TMCC1: variants seen among roughly 807,000 people sequenced by gnomAD.
TMCC1 encodes the protein transmembrane and coiled-coil domains protein 1.
Under a neutral mutation model 52.4 loss-of-function variants are expected in TMCC1, and 15 were observed. The observed-to-expected ratio is 0.29, with a 90% CI of 0.19 to 0.44. The LOEUF is 0.44. Ranked by LOEUF, TMCC1 falls within the 20% of genes least tolerant of loss-of-function variation. The pLI, the probability that TMCC1 is intolerant of heterozygous loss-of-function variation, is 1.00. For missense variants in TMCC1, 503 were observed against 806.0 expected (o/e 0.62, Z 4.55); for synonymous variants, 279 against 301.9 (o/e 0.92, Z 0.79).
chr3:129,708,600 T>G (rs1192904027), intron 4 of TMCC1, among the ~76,000 whole-genome samples: 1 of 152,264 alleles, frequency 6.6e-6, no homozygotes, highest in East Asian at 1.9e-4. Flanking sequence ...TAATTATTCT[T>G]TTCAGCTGTT....
rs2058758552 is a variant in TMCC1, at chr3:129,828,541, A to C, written c.-130-33T>G. ...TAAAAACAAAAAAACAAAAAAACAA[A>C]AAAAAAACCTTATATTATAAATCCA... is the stretch of plus-strand genomic sequence containing the variant. On this transcript the variant is annotated intron_variant, in intron 3 of 6. Coordinates refer to ENST00000393238, the MANE Select transcript of TMCC1 (RefSeq NM_001017395.5). This position sits in a 1 kb window ranked among gnomAD's most constrained non-coding sequence, Gnocchi z 4.1. 4.8e-6 allele frequency: 3 copies of C among 626,500 alleles called. No individual in the cohort carries two copies. The highest frequency in any genetic ancestry group is 8.0e-6 in the Non-Finnish European group (3 of 376,730). The allele number at this position is 626,500 out of a possible 1,614,324, so 38.8% of individuals were successfully genotyped here. A position where few individuals can be genotyped will look rare whatever the true frequency, so the allele number is the denominator to read the frequency against.
At chr3:129,782,008 G>C (rs2055573373) in intron 4 of TMCC1, among the ~76,000 whole-genome samples, 1 of 152,104 alleles carries the variant, frequency 6.6e-6, no homozygotes, top group African/African-American at 2.4e-5. Context: ...AAGGATCAAG[G>C]TGCCATTAAC....
At chr3:129,836,444 T>C (rs1455170243) in intron 2 of TMCC1, among the ~76,000 whole-genome samples, 1 of 152,226 alleles carries the variant, frequency 6.6e-6, no homozygotes, top group East Asian at 1.9e-4. Flanking sequence ...AAATTGACCA[T>C]ATGTTGAACC....
chr3:129,840,326 C>CAAAAAAAAAAAAA (rs368685429), intron 2 of TMCC1, among the ~76,000 whole-genome samples: 2 of 88,276 alleles, frequency 2.3e-5, no homozygotes, highest in African/African-American at 5.0e-5. Flanking sequence ...GAACCTGTCT[C>CAAAAAAAAAAAAA]AAAAAAAAAA....
chr3:129,799,960 G>C (rs2057083934), intron 4 of TMCC1, among the ~76,000 whole-genome samples: 1 of 152,052 alleles, frequency 6.6e-6, no homozygotes, highest in South Asian at 2.1e-4. Context: ...AACATATAAA[G>C]ATATAAAACA....
intron 4 of TMCC1, among the ~76,000 whole-genome samples, chr3:129,822,284 T>G (rs2107819971): frequency 6.6e-6 from 1 of 152,158 alleles, no homozygotes; most frequent in East Asian, 1.9e-4. Context: ...TTAAAAGTAA[T>G]AACATAAGAA....
chr3:129,843,276 G>A (rs1419028254), intron 2 of TMCC1, among the ~76,000 whole-genome samples: 1 of 152,108 alleles, frequency 6.6e-6, no homozygotes, highest in African/African-American at 2.4e-5. Context: ...GAACCTGGGA[G>A]GCGGAGCTTG....
chr3:129,844,124 T>A (rs1028342778), intron 2 of TMCC1, among the ~76,000 whole-genome samples: 16 of 152,124 alleles, frequency 1.1e-4, no homozygotes, highest in Non-Finnish European at 2.4e-4. Flanking sequence ...AAGAAAACCA[T>A]GTGATCATAA....
chr3:129,715,933 CT>C (rs2107580295), intron 4 of TMCC1, among the ~76,000 whole-genome samples: 1 of 152,002 alleles, frequency 6.6e-6, no homozygotes, highest in South Asian at 2.1e-4. Flanking sequence ...TATTTTTTCT[CT>C]CTTCTCATTC....
chr3:129,695,984 AC>A (rs1457481935), intron 4 of TMCC1, among the ~76,000 whole-genome samples: 1 of 152,190 alleles, frequency 6.6e-6, no homozygotes, highest in African/African-American at 2.4e-5. Flanking sequence ...AAAATATTTT[AC>A]CCCAAAACAT....
chr3:129,671,017 G>A lies in TMCC1; in HGVS notation c.824C>T (p.Ala275Val), dbSNP rs1319582962. The change falls in exon 5 of 7, where the codon GCC becomes GTC. Residue 275 changes from alanine to valine, a missense_variant. By Grantham distance (64) the Ala-to-Val change is moderately conservative. This residue lies in a region of TMCC1 where 73 missense variants were observed against 182.9 expected (regional missense o/e 0.40). Transcript: ENST00000393238. Reference sequence around the variant, plus strand: ...CTTCTCAAAGACTTGCTTGATGCGGGCAGCCTGCTGTTTGTCTGCACTGTT... The same window carrying A: ...CTTCTCAAAGACTTGCTTGATGCGGACAGCCTGCTGTTTGTCTGCACTGTT... ...LANSADKQQA[A>V]RIKQVFEKKN... The A allele has an allele frequency of 6.2e-7, 1 of 1,614,148 alleles. No homozygotes were observed. The highest frequency in any genetic ancestry group is 1.1e-5 in the South Asian group (1 of 91,076).
chr3:129,759,934 G>A (rs2053383843), intron 4 of TMCC1, among the ~76,000 whole-genome samples: 2 of 151,450 alleles, frequency 1.3e-5, no homozygotes, highest in South Asian at 4.2e-4. Flanking sequence ...TGTTAGCCAG[G>A]ATGGTCTCGA....
chr3:129,861,332 T>C lies in TMCC1; in HGVS notation c.-184+18977A>G, dbSNP rs1042608164. Among the ~76,000 whole-genome samples the C allele has an allele frequency of 3.3e-5, 5 of 151,934 alleles. 1 individual carries two copies. The highest frequency in any genetic ancestry group is 1.2e-4 in the African/African-American group (5 of 41,440). Reference sequence around the variant, plus strand: ...GCGTGCACCTGTAGTCCCAGCTACTTGGGAGGCTGAGGCAGGAGAATCGCT... The same window carrying C: ...GCGTGCACCTGTAGTCCCAGCTACTCGGGAGGCTGAGGCAGGAGAATCGCT... On this transcript the variant is annotated intron_variant, in intron 2 of 6. Coordinates refer to ENST00000393238, the MANE Select transcript of TMCC1 (RefSeq NM_001017395.5).
chr3:129,711,834 A>AT (rs2048710151), intron 4 of TMCC1, among the ~76,000 whole-genome samples: 1 of 149,070 alleles, frequency 6.7e-6, no homozygotes, highest in Admixed American at 6.7e-5. Flanking sequence ...ACTAAAAAAA[A>AT]AAAAAAAAAA....
chr3:129,752,359 C>A (rs1325814816), intron 4 of TMCC1, among the ~76,000 whole-genome samples: 2 of 152,156 alleles, frequency 1.3e-5, no homozygotes, highest in Middle Eastern at 3.4e-3. Context: ...TTTAAAAAAA[C>A]CAAAATCTAA....
intron 2 of TMCC1, among the ~76,000 whole-genome samples, chr3:129,868,049 T>G (rs535089559): frequency 6.6e-6 from 1 of 152,254 alleles, no homozygotes; most frequent in East Asian, 1.9e-4. Flanking sequence ...AAATATTAAT[T>G]TAAGGCTCAC....
At chr3:129,786,610 A>G (rs2056055502) in intron 4 of TMCC1, among the ~76,000 whole-genome samples, 1 of 152,190 alleles carries the variant, frequency 6.6e-6, no homozygotes, top group Admixed American at 6.5e-5. Flanking sequence ...TCCCTCTTCT[A>G]AATATATATT....
intron 2 of TMCC1, among the ~76,000 whole-genome samples, chr3:129,859,983 A>G (rs1243464872): frequency 1.3e-5 from 2 of 152,240 alleles, no homozygotes; most frequent in African/African-American, 4.8e-5. Flanking sequence ...ATCGCCAATG[A>G]TAACTGAAAA....
intron 5 of TMCC1, among the ~76,000 whole-genome samples, chr3:129,658,689 A>G (rs1257449822): frequency 6.6e-6 from 1 of 152,222 alleles, no homozygotes; most frequent in African/African-American, 2.4e-5. Flanking sequence ...TGAATTCAAA[A>G]TGATATTGAC....
Sources: allele counts gnomAD v4.1 joint callset (sites outside exome capture counted in the v4.1 genomes callset), GRCh38; gene constraint gnomAD v4.1.1; regional missense constraint gnomAD v4.1.1; non-coding constraint Gnocchi (gnomAD v3.1); transcripts MANE v1.5; gene names NCBI Gene and HGNC (gene_info 2026-07-23, HGNC 2026-07-21).